The following SEMA3A variants were observed in gnomAD, a reference collection of about 807,000 sequenced individuals.
The protein encoded by SEMA3A is semaphorin-3A.
In SEMA3A, 29 loss-of-function variants were observed where a neutral mutation model predicts 97.9. The ratio of observed to expected loss-of-function variants is 0.30; its 90% CI spans 0.22 to 0.40. The LOEUF is 0.40. Ranked by LOEUF, SEMA3A falls within the 10% of genes least tolerant of loss-of-function variation. The pLI, the probability that SEMA3A is intolerant of heterozygous loss-of-function variation, is 1.00. For synonymous variants in SEMA3A, 321 were observed against 323.7 expected, an observed-to-expected ratio of 0.99 and a Z score of 0.09; for missense variants, 763 against 951.3, an observed-to-expected ratio of 0.80 and a Z score of 2.60.
intron 2 of SEMA3A, among the ~76,000 whole-genome samples, chr7:84,329,886 C>T (rs889207706): frequency 6.6e-6 from 1 of 151,900 alleles, no homozygotes; most frequent in African/African-American, 2.4e-5. Context: ...AATTACAGTC[C>T]CACACTGCAA....
At chr7:84,359,816 G>T (rs981368892) in intron 2 of SEMA3A, among the ~76,000 whole-genome samples, 17 of 152,024 alleles carry the variant, frequency 1.1e-4, no homozygotes, top group African/African-American at 2.7e-4. Context: ...CAATTTCAGA[G>T]CCTGTTATTG....
At chr7:84,265,000 C>G (rs976182005) in intron 3 of SEMA3A, among the ~76,000 whole-genome samples, 21 of 152,164 alleles carry the variant, frequency 1.4e-4, no homozygotes, top group Non-Finnish European at 2.4e-4. Flanking sequence ...TACACTAAGG[C>G]TCTACCAATA....
Position 84,380,294 on chromosome 7 carries a change from G to A in SEMA3A, c.-245-8394C>T, listed in dbSNP as rs1339723434. ...AAATGTACATTGTCCCAGGTGTACT[G>A]GAAAACTCAAAAGAAGGATAAACAT... On this transcript the variant is annotated intron_variant, in intron 1 of 3. Coordinates refer to the SEMA3A transcript ENST00000424555. 3.9e-5 allele frequency among the ~76,000 whole-genome samples: 6 copies of A among 152,120 alleles called. No homozygotes were observed. The East Asian group carries it at 1.2e-3, about 29-fold the overall frequency.
intron 1 of SEMA3A, among the ~76,000 whole-genome samples, chr7:84,466,352 T>G (rs1281471906): frequency 6.6e-6 from 1 of 152,048 alleles, no homozygotes. Flanking sequence ...TTTGTATTTT[T>G]AGTAGAGACA....
At chr7:84,054,400 C>T (rs1192029687) in intron 5 of SEMA3A, among the ~76,000 whole-genome samples, 2 of 152,062 alleles carry the variant, frequency 1.3e-5, no homozygotes, top group African/African-American at 4.8e-5. Context: ...TTCTTGGAGG[C>T]TTTGCTCATT....
chr7:84,441,812 A>G (rs1805281404), intron 1 of SEMA3A, among the ~76,000 whole-genome samples: 1 of 152,326 alleles, frequency 6.6e-6, no homozygotes, highest in South Asian at 2.1e-4. Flanking sequence ...CCTACACAAG[A>G]CATCCTCAGT....
At chr7:84,098,165 T>C (rs1428595506) in intron 4 of SEMA3A, among the ~76,000 whole-genome samples, 1 of 152,092 alleles carries the variant, frequency 6.6e-6, no homozygotes, top group African/African-American at 2.4e-5. Context: ...TTCATACTTT[T>C]CTGTGTATTT....
At chr7:84,424,588 T>C (rs1253178518) in intron 1 of SEMA3A, among the ~76,000 whole-genome samples, 1 of 77,720 alleles carries the variant, frequency 1.3e-5, no homozygotes, top group Non-Finnish European at 2.0e-5. Flanking sequence ...ATATATTATA[T>C]ATAATATATA....
intron 7 of SEMA3A, among the ~76,000 whole-genome samples, chr7:84,012,394 T>C (rs1790917522): frequency 6.6e-6 from 1 of 152,140 alleles, no homozygotes; most frequent in Admixed American, 6.6e-5. Flanking sequence ...TAAACTTCCT[T>C]TCTACTCTGC....
intron 3 of SEMA3A, among the ~76,000 whole-genome samples, chr7:84,237,952 C>T (rs897562135): frequency 4.6e-5 from 7 of 152,116 alleles, no homozygotes; most frequent in Admixed American, 2.0e-4. Flanking sequence ...ACAGTACTAT[C>T]ATAGGCCACC....
chr7:84,137,302 G>A (rs1796162829), intron 1 of SEMA3A, among the ~76,000 whole-genome samples: 2 of 151,394 alleles, frequency 1.3e-5, no homozygotes, highest in South Asian at 4.2e-4. Flanking sequence ...TCGGGAGGCT[G>A]AGGCAAGAGA....
intron 3 of SEMA3A, among the ~76,000 whole-genome samples, chr7:84,268,969 T>C (rs570809256): frequency 1.3e-5 from 2 of 152,212 alleles, no homozygotes; most frequent in South Asian, 4.1e-4. Context: ...GCTAGCAAAA[T>C]AGACTTTACT....
intron 1 of SEMA3A, among the ~76,000 whole-genome samples, chr7:84,436,529 TG>T (rs1805135689): frequency 6.6e-6 from 1 of 152,190 alleles, no homozygotes; most frequent in Admixed American, 6.5e-5. Flanking sequence ...AACATTTTAC[TG>T]GGCCAAAGTC....
intron 3 of SEMA3A, among the ~76,000 whole-genome samples, chr7:84,246,035 T>A (rs1021275122): frequency 6.4e-4 from 97 of 152,322 alleles, no homozygotes; most frequent in African/African-American, 2.1e-3. Flanking sequence ...GCTGCCTTTC[T>A]TTCAGAAATG....
In SEMA3A at chr7:84,005,446, T is replaced by C. The variant is rs142967103; in HGVS notation, c.1253A>G (p.Asn418Ser). 4.5e-4 allele frequency: 724 copies of C among 1,613,896 alleles called. 5 individuals carry two copies. Among genetic ancestry groups the C allele is most frequent in the African/African-American group, 1.9e-4 (14 of 75,044 alleles). The change falls in exon 11 of 17, where the codon AAT (asparagine) becomes AGT (serine). Residue 418 changes from asparagine (N) to serine (S), a missense_variant. Transcript: ENST00000265362. ...AMYNPVFPMN[N>S]RPIVIKTDVN... Reference sequence around the variant, plus strand: ...ATCCGTTTTGATCACTATTGGGCGATTGTTCATAGGAAACACTGGATTGTA... The same window carrying C: ...ATCCGTTTTGATCACTATTGGGCGACTGTTCATAGGAAACACTGGATTGTA...
intron 1 of SEMA3A, among the ~76,000 whole-genome samples, chr7:84,461,849 T>C (rs1805849025): frequency 6.6e-6 from 1 of 152,170 alleles, no homozygotes. Flanking sequence ...TTATTTCTCA[T>C]TTAATTCTAC....
At chr7:84,090,573 GAAGAA>G (rs1441515593) in intron 4 of SEMA3A, among the ~76,000 whole-genome samples, 1 of 152,092 alleles carries the variant, frequency 6.6e-6, no homozygotes, top group Non-Finnish European at 1.5e-5. Context: ...CTTATGTGTG[GAAGAA>G]ATGAAAATAA....
At chr7:84,336,971 T>C (rs879668257) in intron 2 of SEMA3A, among the ~76,000 whole-genome samples, 3 of 152,090 alleles carry the variant, frequency 2.0e-5, no homozygotes, top group Non-Finnish European at 4.4e-5. Context: ...CTTGAAGTTA[T>C]TTTTGCTGCA....
intron 15 of SEMA3A, among the ~76,000 whole-genome samples, chr7:83,969,043 T>G (rs573443273): frequency 3.0e-4 from 46 of 152,252 alleles, no homozygotes; most frequent in Non-Finnish European, 6.2e-4. Flanking sequence ...ACTCCTGATC[T>G]CAGGTGATCC....
Sources: allele counts gnomAD v4.1 joint callset (sites outside exome capture counted in the v4.1 genomes callset), GRCh38; gene constraint gnomAD v4.1.1; transcripts MANE v1.5; gene names NCBI Gene and HGNC (gene_info 2026-07-23, HGNC 2026-07-21).